Variants in KIAA1671 observed in about 807,000 individuals in gnomAD.
KIAA1671 encodes the protein uncharacterized protein KIAA1671.
A neutral mutation model predicts 131.2 loss-of-function variants in KIAA1671; 52 were observed. That is an observed-to-expected ratio of 0.40 (90% CI 0.32 to 0.50). The LOEUF (loss-of-function observed/expected upper bound fraction) is 0.50. Among genes scored for constraint, KIAA1671 ranks in the 20% least tolerant of loss-of-function variants. The pLI is 0.73. For synonymous variants in KIAA1671, 1,003 were observed against 961.6 expected, an observed-to-expected ratio of 1.04 and a Z score of -0.80; for missense variants, 2,360 against 2,364.2, an observed-to-expected ratio of 1.00 and a Z score of 0.04.
chr22:25,068,304 T>C (rs1369094428), intron 6 of KIAA1671, among the ~76,000 whole-genome samples: 1 of 152,292 alleles, frequency 6.6e-6, no homozygotes, highest in Non-Finnish European at 1.5e-5. Flanking sequence ...AGCGAGCAGC[T>C]GAGACCCAGT....
At chr22:25,071,439 C>A (rs7289318) in intron 6 of KIAA1671, among the ~76,000 whole-genome samples, 18,842 of 152,076 alleles carry the variant, frequency 0.12, 1,197 homozygotes, top group South Asian at 0.18. Flanking sequence ...GAGATCCCCC[C>A]AGTCCATATT....
chr22:25,047,199 G>A (rs1927290806), intron 5 of KIAA1671, among the ~76,000 whole-genome samples: 1 of 148,932 alleles, frequency 6.7e-6, no homozygotes, highest in Admixed American at 6.7e-5. Flanking sequence ...TGCCCAGGCT[G>A]GAGTGCAGTG....
chr22:25,189,571 G>GCGC (rs1934600652), intron 11 of KIAA1671, among the ~76,000 whole-genome samples: 1 of 152,180 alleles, frequency 6.6e-6, no homozygotes, highest in Non-Finnish European at 1.5e-5. Context: ...TGATTTAAAT[G>GCGC]TTAACCTCAT....
chr22:25,095,146 A>G (rs1036191306), intron 6 of KIAA1671, among the ~76,000 whole-genome samples: 3 of 152,146 alleles, frequency 2.0e-5, no homozygotes, highest in African/African-American at 7.2e-5. Context: ...CTTGAGCACA[A>G]CACCGAACAT....
intron 1 of KIAA1671, chr22:25,013,579 TCA>T (rs558224487): frequency 2.0e-5 from 3 of 152,230 alleles, no homozygotes; most frequent in Non-Finnish European, 4.4e-5. Context: ...TATGCACATC[TCA>T]GTCTCCCTAA....
intron 6 of KIAA1671, among the ~76,000 whole-genome samples, chr22:25,088,361 C>T (rs1185749847): frequency 6.6e-6 from 1 of 152,196 alleles, no homozygotes; most frequent in Non-Finnish European, 1.5e-5. Flanking sequence ...CTGGCCTTGG[C>T]CTCCCAAAGT....
chr22:25,010,923 C>G (rs1925001037), intron 1 of KIAA1671: 1 of 152,182 alleles, frequency 6.6e-6, no homozygotes. Flanking sequence ...GCCATGACTG[C>G]AGACATCATA....
intron 1 of KIAA1671, among the ~76,000 whole-genome samples, chr22:24,981,503 G>A (rs1336795824): frequency 1.3e-5 from 2 of 152,154 alleles, no homozygotes; most frequent in Non-Finnish European, 2.9e-5. Flanking sequence ...CTTAGCCCTG[G>A]ATGCTCAGGA....
At chr22:25,179,375 C>G in intron 9 of KIAA1671, 1 of 1,605,698 alleles carries the variant, frequency 6.2e-7, no homozygotes, top group Non-Finnish European at 8.5e-7. Context: ...GCTCCTCGCG[C>G]AGCCGCTCGC....
chr22:24,959,876 G>A (rs1348180058), intron 1 of KIAA1671, among the ~76,000 whole-genome samples: 1 of 152,066 alleles, frequency 6.6e-6, no homozygotes, highest in African/African-American at 2.4e-5. Flanking sequence ...GGTGGCTCAC[G>A]CCTGTAATCC....
chr22:25,171,175 G>A (rs1247944893), intron 7 of KIAA1671, among the ~76,000 whole-genome samples: 10 of 150,952 alleles, frequency 6.6e-5, no homozygotes, highest in African/African-American at 1.2e-4. Context: ...TGAGGCGGGC[G>A]GATTGCCTGA....
At chr22:25,182,182 A>AAAAAAAAAC (rs60110937) in intron 10 of KIAA1671, among the ~76,000 whole-genome samples, 22 of 148,554 alleles carry the variant, frequency 1.5e-4, no homozygotes, top group East Asian at 4.0e-4. Flanking sequence ...CCATCTCAAA[A>AAAAAAAAAC]AAAAAACAAA....
At chr22:24,964,927 C>G (rs969564079) in intron 1 of KIAA1671, among the ~76,000 whole-genome samples, 6 of 152,128 alleles carry the variant, frequency 3.9e-5, no homozygotes, top group Non-Finnish European at 8.8e-5. Context: ...CCGAAAAATC[C>G]TAGTGTTAGA....
intron 6 of KIAA1671, among the ~76,000 whole-genome samples, chr22:25,142,173 G>A (rs562233885): frequency 6.6e-6 from 1 of 152,278 alleles, no homozygotes; most frequent in Admixed American, 6.5e-5. Context: ...GCATCCTAGG[G>A]GTTGGGGGCA....
chr22:25,178,954 T>G (rs1276028151), intron 9 of KIAA1671, among the ~76,000 whole-genome samples: 1 of 152,236 alleles, frequency 6.6e-6, no homozygotes, highest in African/African-American at 2.4e-5. Context: ...TGCCCTGACC[T>G]GCACGTGCTG....
Position 24,963,009 on chromosome 22 carries a change from T to C in KIAA1671, c.-208+10237T>C, listed in dbSNP as rs540723123. The stretch of plus-strand genomic sequence containing the variant: ...ACTATGAATGCACTCAGCAGGCTTC[T>C]GGGAGCCCAGGTTTATGAGTATCCG... On this transcript the variant is annotated intron_variant, in intron 1 of 12. Transcript: ENST00000358431. 3.3e-5 allele frequency among the ~76,000 whole-genome samples: 5 copies of C among 152,200 alleles called. No individual in the cohort carries two copies. In the East Asian group the frequency reaches 9.7e-4, roughly 29 times the overall value.
At chr22:25,101,011 C>T (rs191057986) in intron 6 of KIAA1671, among the ~76,000 whole-genome samples, 1 of 152,280 alleles carries the variant, frequency 6.6e-6, no homozygotes, top group Admixed American at 6.5e-5. Context: ...TAGGGGAGGT[C>T]ATGTGTTCCT....
chr22:25,019,952 C>G (rs1041733372), intron 1 of KIAA1671, among the ~76,000 whole-genome samples: 1 of 152,154 alleles, frequency 6.6e-6, no homozygotes, highest in Non-Finnish European at 1.5e-5. Flanking sequence ...GTTGTTTCAA[C>G]TAGGTGTTAT....
chr22:25,073,343 C>T (rs5996831), intron 6 of KIAA1671, among the ~76,000 whole-genome samples: 73,144 of 152,060 alleles, frequency 0.48, 18,230 homozygotes, highest in African/African-American at 0.6. Context: ...GCTGGGACTA[C>T]AGGCGTGAGC....
Sources: allele counts gnomAD v4.1 joint callset (sites outside exome capture counted in the v4.1 genomes callset), GRCh38; gene constraint gnomAD v4.1.1; transcripts MANE v1.5; gene names NCBI Gene and HGNC (gene_info 2026-07-23, HGNC 2026-07-21).